PCDHA2: variants seen among roughly 807,000 people sequenced by gnomAD.
The protein encoded by PCDHA2 is protocadherin alpha 2.
PCDHA2 carries 58 observed loss-of-function variants against 66.0 expected under a neutral mutation model. That is an observed-to-expected ratio of 0.88 (90% CI 0.71 to 1.09). The LOEUF is 1.09. Among genes scored for constraint, PCDHA2 ranks in the 50% least tolerant of loss-of-function variants. The probability of loss-of-function intolerance (pLI) is 0.00; values close to 1 mark genes in which losing one functional copy is unlikely to be tolerated. For missense variants in PCDHA2, 1,267 were observed against 1,242.3 expected (o/e 1.02, Z -0.30); for synonymous variants, 634 against 554.0 (o/e 1.14, Z -2.03).
In PCDHA2 at chr5:140,832,659, T is replaced by A. The variant is rs1044025424; in HGVS notation, c.2388+35307T>A. On this transcript the variant is annotated intron_variant, in intron 1 of 3. Transcript: ENST00000526136. ...AGGAGGGTCTTTAAGAGTATCACAC[T>A]GTGCCTGCTGAGAATCATCGAATTA... 3.9e-5 allele frequency among the ~76,000 whole-genome samples: 6 copies of A among 152,316 alleles called. No homozygotes were observed. The South Asian group carries it at 1.0e-3, about 26-fold the overall frequency.
chr5:140,926,825 G>T (rs937740656), intron 1 of PCDHA2: 2 of 1,499,696 alleles, frequency 1.3e-6, no homozygotes, highest in Admixed American at 4.7e-5. Flanking sequence ...CTCTCCAGGA[G>T]TCCGGAGCAT....
At chr5:140,823,997 C>G (rs2150131247) in intron 1 of PCDHA2, 5 of 1,614,108 alleles carry the variant, frequency 3.1e-6, no homozygotes, top group Non-Finnish European at 3.4e-6. Flanking sequence ...CTGTTGTGCT[C>G]CAGCGCGGTG....
At chr5:140,803,043 G>C (rs142788061) in intron 1 of PCDHA2, 10 of 1,613,896 alleles carry the variant, frequency 6.2e-6, no homozygotes, top group Non-Finnish European at 8.5e-6. Context: ...GCCTGGGACC[G>C]GCGGTGCGCG....
chr5:140,862,092 C>G (rs987479365), intron 1 of PCDHA2: 1 of 156,922 alleles, frequency 6.4e-6, no homozygotes, highest in African/African-American at 2.4e-5. Context: ...AGCCCTTTTT[C>G]GCATAGATTC....
rs192756440 is a variant in PCDHA2, at chr5:140,876,883, G to C, written c.2388+79531G>C. On this transcript the variant is annotated intron_variant, in intron 1 of 3. Coordinates refer to ENST00000526136, the MANE Select transcript of PCDHA2 (RefSeq NM_018905.3). Reference sequence around the variant, plus strand: ...GTTCGTGAAGGAGAACAACCCGCCGGGCTGCCACATCTTCACGGTGTCGGC... The same window carrying C: ...GTTCGTGAAGGAGAACAACCCGCCGCGCTGCCACATCTTCACGGTGTCGGC... The C allele has an allele frequency of 2.2e-3, 3,631 of 1,614,132 alleles. 14 individuals are homozygous for C. Among genetic ancestry groups the C allele is most frequent in the Middle Eastern group, 9.1e-3 (55 of 6,048 alleles).
intron 3 of PCDHA2, among the ~76,000 whole-genome samples, chr5:140,991,900 A>G (rs137964856): frequency 9.8e-4 from 149 of 152,250 alleles, no homozygotes; most frequent in African/African-American, 3.0e-3. Context: ...TTAACACAAA[A>G]TCCCTTTTGC....
chr5:140,813,251 C>T (rs1765253661), intron 1 of PCDHA2: 1 of 152,142 alleles, frequency 6.6e-6, no homozygotes, highest in African/African-American at 2.4e-5. Flanking sequence ...AAATCTCCTA[C>T]TACAGTCATT....
chr5:140,944,003 C>A (rs1185007409), intron 1 of PCDHA2, among the ~76,000 whole-genome samples: 11 of 152,038 alleles, frequency 7.2e-5, no homozygotes, highest in African/African-American at 2.2e-4. Flanking sequence ...CTACTGAGTA[C>A]CCCCCAAAAG....
At chr5:140,851,813 A>G in intron 1 of PCDHA2, 1 of 954,990 alleles carries the variant, frequency 1.0e-6, no homozygotes, top group Non-Finnish European at 1.3e-6. Flanking sequence ...AATCCATAAG[A>G]CAGAAATCTG....
chr5:140,820,418 A>G (rs1280110402), intron 1 of PCDHA2, among the ~76,000 whole-genome samples: 1 of 152,030 alleles, frequency 6.6e-6, no homozygotes, highest in Admixed American at 6.5e-5. Flanking sequence ...ATGTAAAAGT[A>G]TCCAACAATA....
intron 1 of PCDHA2, among the ~76,000 whole-genome samples, chr5:140,907,623 G>T (rs553186767): frequency 6.6e-6 from 1 of 152,352 alleles, no homozygotes; most frequent in East Asian, 1.9e-4. Context: ...AGGGCTCAGT[G>T]TTGGTCTCTG....
rs570631397 is a variant in PCDHA2, at chr5:140,879,658, A to G, written c.2388+82306A>G. Among the ~76,000 whole-genome samples the G allele has an allele frequency of 1.1e-4, 16 of 152,350 alleles. No homozygotes were observed. The South Asian group carries it at 3.1e-3, about 30-fold the overall frequency. ...TCGCTTCCTGTGGCTGCTATAACAA[A>G]CGAACACAAACTGGGTGCTGTAAAA... On this transcript the variant is annotated intron_variant, in intron 1 of 3. Transcript: ENST00000526136.
chr5:140,796,707 G>A lies in PCDHA2; in HGVS notation c.1743G>A (p.Val581=), dbSNP rs1554120060. 6.2e-7 allele frequency: 1 copy of A among 1,614,008 alleles called. No individual in the cohort carries two copies. The highest frequency in any genetic ancestry group is 8.5e-7 in the Non-Finnish European group (1 of 1,179,920). Residue 581 remains valine, a synonymous_variant, in exon 1 of 4, where the codon GTG becomes GTA. Coordinates refer to ENST00000526136, the MANE Select transcript of PCDHA2 (RefSeq NM_018905.3). ...GTAAGAVSEL[V]PWSVGAGHVV... The stretch of plus-strand genomic sequence containing the variant: ...CTGCTGGCGCAGTGAGTGAGCTGGT[G>A]CCGTGGTCGGTGGGTGCAGGGCACG...
chr5:140,957,948 G>C (rs2153715688), intron 1 of PCDHA2, among the ~76,000 whole-genome samples: 1 of 152,152 alleles, frequency 6.6e-6, no homozygotes, highest in Non-Finnish European at 1.5e-5. Flanking sequence ...AGATCTTTAA[G>C]ACTATTAATT....
Position 140,851,117 on chromosome 5 carries a change from T to C in PCDHA2, c.2388+53765T>C, listed in dbSNP as rs932245132. 14 of 1,306,346 alleles carry C rather than the reference T, an allele frequency of 1.1e-5. No homozygotes were observed. The African/African-American group carries it at 2.0e-4, about 19-fold the overall frequency. 80.9% of individuals were successfully genotyped at this position (1,306,346 alleles called of 1,614,324 possible). On this transcript the variant is annotated intron_variant, in intron 1 of 3. Transcript: ENST00000526136. ...ATATTTTTTGGGTGCTGAATCAATT[T>C]TATTTAAATTTGTGATTAAAGTGAC... is the stretch of plus-strand genomic sequence containing the variant.
chr5:140,796,415 C>T lies in PCDHA2; in HGVS notation c.1451C>T (p.Ala484Val), dbSNP rs782310227. Reference protein sequence around the residue: ...IFTVSAWDADAQENALVSYSL... With the variant: ...IFTVSAWDADVQENALVSYSL... ...ACGGTGTCAGCGTGGGATGCGGACGCGCAGGAGAACGCGCTGGTGTCCTAC... is the reference window on the plus strand; with the variant it reads ...ACGGTGTCAGCGTGGGATGCGGACGTGCAGGAGAACGCGCTGGTGTCCTAC... The change falls in exon 1 of 4, where the codon GCG becomes GTG. Residue 484 changes from alanine to valine, a missense_variant. Coordinates refer to ENST00000526136, the MANE Select transcript of PCDHA2 (RefSeq NM_018905.3). 1.1e-5 allele frequency: 18 copies of T among 1,613,830 alleles called. No homozygotes were observed. Among genetic ancestry groups the T allele is most frequent in the South Asian group, 2.2e-5 (2 of 91,072 alleles).
chr5:140,808,288 A>T lies in PCDHA2; in HGVS notation c.2388+10936A>T, dbSNP rs558368173. 3.7e-5 allele frequency: 59 copies of T among 1,614,276 alleles called. No homozygotes were observed. In the East Asian group the frequency reaches 1.2e-3, roughly 32 times the overall value. ...TTAGAGAGGACGCTCCACTGGGTAC[A>T]GTCATCGCCCTGATCAGCGTGTCCG... On this transcript the variant is annotated intron_variant, in intron 1 of 3. Coordinates refer to ENST00000526136, the MANE Select transcript of PCDHA2 (RefSeq NM_018905.3).
chr5:140,845,660 T>C (rs1779973975), intron 1 of PCDHA2, among the ~76,000 whole-genome samples: 1 of 149,710 alleles, frequency 6.7e-6, no homozygotes, highest in African/African-American at 2.4e-5. Context: ...AATTTTTGTA[T>C]GTGTAGCCAT....
chr5:140,854,555 A>G (rs2043158080), intron 1 of PCDHA2: 1 of 150,006 alleles, frequency 6.7e-6, no homozygotes, highest in Non-Finnish European at 1.5e-5. Context: ...ATTCATAAAT[A>G]TTGTTGCTCT....
Sources: allele counts gnomAD v4.1 joint callset (sites outside exome capture counted in the v4.1 genomes callset), GRCh38; gene constraint gnomAD v4.1.1; transcripts MANE v1.5; gene names NCBI Gene and HGNC (gene_info 2026-07-23, HGNC 2026-07-21).